SYT6: variants seen among roughly 807,000 people sequenced by gnomAD.
SYT6 encodes the protein synaptotagmin-6.
In SYT6, 24 loss-of-function variants were observed where a neutral mutation model predicts 38.4. That is an observed-to-expected ratio of 0.62 (90% CI 0.45 to 0.88). The LOEUF is 0.88. Ranked by LOEUF, SYT6 falls within the 40% of genes least tolerant of loss-of-function variation. The probability of loss-of-function intolerance (pLI) is 0.00; values close to 1 mark genes in which losing one functional copy is unlikely to be tolerated. For synonymous variants in SYT6, 265 were observed against 241.9 expected (o/e 1.10, Z -0.89); for missense variants, 611 against 621.0 (o/e 0.98, Z 0.17).
intron 3 of SYT6, among the ~76,000 whole-genome samples, chr1:114,120,173 G>C (rs1677305131): frequency 6.6e-6 from 1 of 151,986 alleles, no homozygotes. Context: ...TTGAAAAACC[G>C]AAGGCATAGA....
chr1:114,104,397 C>A (rs1676156234), intron 3 of SYT6, among the ~76,000 whole-genome samples: 1 of 152,204 alleles, frequency 6.6e-6, no homozygotes, highest in South Asian at 2.1e-4. Context: ...CCTCTCCTAA[C>A]CCCAGAATTG....
At position 114,139,468 on chromosome 1, in the gene SYT6, C is replaced by G. The variant is rs1249021730; in HGVS notation, c.512+147G>C. 7 of 1,340,550 alleles carry G rather than the reference C, an allele frequency of 5.2e-6. No individual in the cohort carries two copies. The East Asian group carries it at 1.5e-4, about 29-fold the overall frequency. The allele number at this position is 1,340,550 out of a possible 1,614,324, so 83.0% of individuals were successfully genotyped here. On this transcript the variant is annotated intron_variant, in intron 2 of 7. Coordinates refer to ENST00000610222, the MANE Select transcript of SYT6 (RefSeq NM_001253772.2). ...GCCCACCTCCTCATTGATCACCCAT[C>G]ATGGCTCACATCATCTGACATATTT...
intron 6 of SYT6, 120 bp downstream of exon 6, chr1:114,097,607 C>T (rs954857613): frequency 3.3e-5 from 40 of 1,225,634 alleles, no homozygotes; most frequent in Non-Finnish European, 4.5e-5. Context: ...GGGTAAGAAG[C>T]ATGTGGCCCT....
At chr1:114,126,291 G>T (rs988276540) in intron 3 of SYT6, among the ~76,000 whole-genome samples, 2 of 152,210 alleles carry the variant, frequency 1.3e-5, no homozygotes, top group Admixed American at 6.5e-5. Flanking sequence ...AAAATATGGA[G>T]TCATAACACC....
intron 3 of SYT6, among the ~76,000 whole-genome samples, chr1:114,122,506 T>TGTGTGTGTGTGTGCGC (rs60780339): frequency 3.4e-5 from 5 of 147,406 alleles, no homozygotes; most frequent in South Asian, 2.2e-4. Context: ...TGTGTGTGTG[T>TGTGTGTGTGTGTGCGC]GCGCGCACAT....
chr1:114,118,311 T>C (rs1004503530), intron 3 of SYT6, among the ~76,000 whole-genome samples: 4 of 152,190 alleles, frequency 2.6e-5, no homozygotes, highest in Non-Finnish European at 5.9e-5. Flanking sequence ...ATGTCTCTCA[T>C]TGGTAAGCAG....
rs981566219 is a variant in SYT6, at chr1:114,134,003, G to C, written c.1071+3492C>G. On this transcript the variant is annotated intron_variant, in intron 3 of 7. Coordinates refer to ENST00000610222, the MANE Select transcript of SYT6 (RefSeq NM_001253772.2). Reference sequence around the variant, plus strand: ...GGGGGTGGGAACAAGGGACCTGCCTGGTGCCACCTGCCAGGGCCGAATCCG... The same window carrying C: ...GGGGGTGGGAACAAGGGACCTGCCTCGTGCCACCTGCCAGGGCCGAATCCG... Among the ~76,000 whole-genome samples the C allele has an allele frequency of 2.0e-5, 3 of 152,186 alleles. No individual in the cohort carries two copies. In the East Asian group the frequency reaches 5.8e-4, roughly 29 times the overall value.
intron 1 of SYT6, among the ~76,000 whole-genome samples, chr1:114,151,845 T>C (rs919015226): frequency 6.6e-6 from 1 of 152,122 alleles, no homozygotes; most frequent in Non-Finnish European, 1.5e-5. Flanking sequence ...TAATAACTTG[T>C]TAGGCCTAAT....
chr1:114,138,257 G>A (rs1678629065), intron 2 of SYT6, among the ~76,000 whole-genome samples: 1 of 152,172 alleles, frequency 6.6e-6, no homozygotes, highest in South Asian at 2.1e-4. Flanking sequence ...TATATGTAAA[G>A]TAGTTGGAAT....
At chr1:114,109,944 C>A (rs1676573462) in intron 3 of SYT6, among the ~76,000 whole-genome samples, 1 of 152,194 alleles carries the variant, frequency 6.6e-6, no homozygotes, top group Admixed American at 6.5e-5. Context: ...CCTAAAGACA[C>A]AGAAGGGGCA....
intron 1 of SYT6, among the ~76,000 whole-genome samples, chr1:114,142,938 G>A (rs1209652946): frequency 6.6e-6 from 1 of 152,030 alleles, no homozygotes; most frequent in African/African-American, 2.4e-5. Context: ...CACTGTATAT[G>A]TGTATATATA....
intron 6 of SYT6, among the ~76,000 whole-genome samples, chr1:114,096,093 G>A (rs183480390): frequency 7.0e-4 from 107 of 152,246 alleles, no homozygotes; most frequent in African/African-American, 2.3e-3. Flanking sequence ...GAAGATAAGT[G>A]GGGGAGGAGG....
In SYT6 at chr1:114,092,075, C is replaced by T. The variant is rs2101613775; in HGVS notation, c.*59G>A. ...CTCACTGTCGAAGCTAGCAGCTCGG[C>T]CCTGCCACTGCAAAGAGGAGAACAA... On this transcript the variant is annotated 3_prime_UTR_variant, in exon 8 of 8. Transcript: ENST00000610222. 1 of 1,536,254 alleles carries T rather than the reference C, an allele frequency of 6.5e-7. No homozygotes were observed. The highest frequency in any genetic ancestry group is 1.2e-5 in the South Asian group (1 of 84,052).
At chr1:114,116,615 C>T (rs1677013911) in intron 3 of SYT6, among the ~76,000 whole-genome samples, 1 of 152,086 alleles carries the variant, frequency 6.6e-6, no homozygotes, top group South Asian at 2.1e-4. Context: ...AAATTCATTC[C>T]CTTGGTGCGG....
chr1:114,114,103 G>A (rs1408213177), intron 3 of SYT6, among the ~76,000 whole-genome samples: 6 of 152,094 alleles, frequency 3.9e-5, no homozygotes, highest in Non-Finnish European at 7.4e-5. Context: ...TTCCTCCAGC[G>A]CCTCCCTCTG....
intron 3 of SYT6, among the ~76,000 whole-genome samples, chr1:114,105,308 TC>T (rs35412337): frequency 2.8e-5 from 4 of 143,930 alleles, no homozygotes; most frequent in East Asian, 2.2e-4. Flanking sequence ...ACAGCCCTGT[TC>T]CCCCCCTGGA....
rs553153648 is a variant in SYT6 at position 114,094,843 on chromosome 1, G to T, written c.1516-1040C>A. Among the ~76,000 whole-genome samples, 8 of 152,308 alleles carry T rather than the reference G, an allele frequency of 5.3e-5. No homozygotes were observed. The East Asian group carries it at 1.3e-3, about 26-fold the overall frequency. The stretch of plus-strand genomic sequence containing the variant: ...AGTTCTTGCTCAATATCCAGAACGG[G>T]AACGAAAAGAAGGCAGGATGTGAGC... On this transcript the variant is annotated intron_variant, in intron 6 of 7. Transcript: ENST00000610222.
chr1:114,148,521 G>T (rs949145133), intron 1 of SYT6, among the ~76,000 whole-genome samples: 1 of 152,182 alleles, frequency 6.6e-6, no homozygotes, highest in East Asian at 1.9e-4. Flanking sequence ...AGGAGCTCTC[G>T]TGCAGACACA....
Position 114,090,140 on chromosome 1 carries a change from C to T in SYT6, c.*1994G>A, listed in dbSNP as rs1429137039. On this transcript the variant is annotated 3_prime_UTR_variant, in exon 8 of 8. Transcript: ENST00000610222. The stretch of plus-strand genomic sequence containing the variant: ...AATGGCAAGGCCTTCAGCATCTGTT[C>T]ACTGACGGAAACGACTATCTTGATG... The T allele has an allele frequency of 1.3e-5, 2 of 152,378 alleles. No individual in the cohort carries two copies. The allele number at this position is 152,378 out of a possible 1,614,324, so 9.4% of individuals were successfully genotyped here. A position where few individuals can be genotyped will look rare whatever the true frequency, so the allele number is the denominator to read the frequency against.
Sources: allele counts gnomAD v4.1 joint callset (sites outside exome capture counted in the v4.1 genomes callset), GRCh38; gene constraint gnomAD v4.1.1; transcripts MANE v1.5; gene names NCBI Gene and HGNC (gene_info 2026-07-23, HGNC 2026-07-21).